CNTNAP2: variants seen among roughly 807,000 people sequenced by gnomAD.
The protein encoded by CNTNAP2 is contactin associated protein 2, also known as contactin-associated protein-like 2.
CNTNAP2 carries 98 observed loss-of-function variants against 155.2 expected under a neutral mutation model. That is an observed-to-expected ratio of 0.63 (90% confidence interval 0.54 to 0.75). The LOEUF is 0.75. Among genes scored for constraint, CNTNAP2 ranks in the 30% least tolerant of loss-of-function variants. The pLI is 0.00. For missense variants in CNTNAP2, 1,727 were observed against 1,688.1 expected, an observed-to-expected ratio of 1.02 and a Z score of -0.40; for synonymous variants, 651 against 631.2, an observed-to-expected ratio of 1.03 and a Z score of -0.47.
chr7:146,222,579 T>C, intron 1 of CNTNAP2, among the ~76,000 whole-genome samples: 1 of 149,568 alleles, frequency 6.7e-6, no homozygotes, highest in African/African-American at 2.5e-5. Context: ...TGTGTGTGCG[T>C]GCACATGTAT....
At chr7:147,596,866 C>G (rs1800835102) in intron 12 of CNTNAP2, among the ~76,000 whole-genome samples, 1 of 152,152 alleles carries the variant, frequency 6.6e-6, no homozygotes, top group Non-Finnish European at 1.5e-5. Flanking sequence ...CCACCAAAAC[C>G]AAGATGCAAT....
At chr7:148,052,653 A>G (rs1419887271) in intron 15 of CNTNAP2, among the ~76,000 whole-genome samples, 6 of 152,238 alleles carry the variant, frequency 3.9e-5, no homozygotes, top group Non-Finnish European at 8.8e-5. Flanking sequence ...ATAAAGTTAT[A>G]TATAATTGTG....
At chr7:147,890,727 C>T (rs77935737) in intron 13 of CNTNAP2, among the ~76,000 whole-genome samples, 3,183 of 152,264 alleles carry the variant, frequency 0.021, 114 homozygotes, top group African/African-American at 0.072. Context: ...CACATCATCT[C>T]ACTTATATAT....
At chr7:146,196,597 A>T (rs1425773138) in intron 1 of CNTNAP2, among the ~76,000 whole-genome samples, 2 of 150,114 alleles carry the variant, frequency 1.3e-5, no homozygotes, top group Admixed American at 6.6e-5. Flanking sequence ...GAGAGAGAGA[A>T]AGAGAAAGAG....
chr7:147,924,682 G>A (rs1046993252), intron 14 of CNTNAP2, among the ~76,000 whole-genome samples: 10 of 152,234 alleles, frequency 6.6e-5, no homozygotes, highest in South Asian at 2.1e-4. Flanking sequence ...AAAGTAAGCC[G>A]GGAAGATGGA....
At chr7:147,256,770 A>T (rs1224948894) in intron 8 of CNTNAP2, among the ~76,000 whole-genome samples, 2 of 152,134 alleles carry the variant, frequency 1.3e-5, no homozygotes, top group Non-Finnish European at 2.9e-5. Context: ...AGGACAGTTA[A>T]TGGACGCATT....
chr7:146,275,876 A>G (rs895133185), intron 1 of CNTNAP2, among the ~76,000 whole-genome samples: 1 of 152,164 alleles, frequency 6.6e-6, no homozygotes, highest in Admixed American at 6.5e-5. Context: ...CCTGGGAGCA[A>G]TTTTGCTTCC....
intron 12 of CNTNAP2, among the ~76,000 whole-genome samples, chr7:147,612,892 A>G (rs1192971400): frequency 1.3e-5 from 2 of 152,140 alleles, no homozygotes; most frequent in Admixed American, 1.3e-4. Flanking sequence ...TTTTATTTTC[A>G]AATATTTTAT....
In CNTNAP2 at chr7:148,269,704, G is replaced by A. The variant is rs377365607; in HGVS notation, c.3475+2578G>A. Among the ~76,000 whole-genome samples, 10 of 152,228 alleles carry A rather than the reference G, an allele frequency of 6.6e-5. No homozygotes were observed. The East Asian group carries it at 7.7e-4, about 12-fold the overall frequency. ...CATGGTGAAGCTCCAGAAGAGGGATGTATTTGAAAGTTGAGCGATGCCATC... is the reference window on the plus strand; with the variant it reads ...CATGGTGAAGCTCCAGAAGAGGGATATATTTGAAAGTTGAGCGATGCCATC... On this transcript the variant is annotated intron_variant, in intron 21 of 23. Coordinates refer to ENST00000361727, the MANE Select transcript of CNTNAP2 (RefSeq NM_014141.6).
At chr7:147,966,204 C>A (rs1801207113) in intron 14 of CNTNAP2, among the ~76,000 whole-genome samples, 1 of 152,126 alleles carries the variant, frequency 6.6e-6, no homozygotes, top group African/African-American at 2.4e-5. Context: ...AGCAATGCTT[C>A]TTGGTTTAAA....
intron 3 of CNTNAP2, among the ~76,000 whole-genome samples, chr7:147,020,918 ATAT>A (rs1022599217): frequency 2.0e-5 from 3 of 152,066 alleles, no homozygotes; most frequent in African/African-American, 7.2e-5. Flanking sequence ...GTTCTTAGAA[ATAT>A]TATTATTAAG....
intron 1 of CNTNAP2, among the ~76,000 whole-genome samples, chr7:146,761,332 AGG>A (rs1491416415): frequency 1.6e-3 from 242 of 147,170 alleles, no homozygotes; most frequent in African/African-American, 5.9e-3. Flanking sequence ...GAAGGAAGGA[AGG>A]AAAATAGGAA....
chr7:147,641,999 T>TGTGTGTGTGC (rs1795286464), intron 13 of CNTNAP2, among the ~76,000 whole-genome samples: 3 of 136,906 alleles, frequency 2.2e-5, no homozygotes, highest in African/African-American at 8.4e-5. Flanking sequence ...TTATCATAGG[T>TGTGTGTGTGC]GTGTGTGTGT....
intron 13 of CNTNAP2, among the ~76,000 whole-genome samples, chr7:147,775,377 T>TTA (rs1225829770): frequency 1.1e-4 from 8 of 72,044 alleles, no homozygotes; most frequent in Non-Finnish European, 1.7e-4. Context: ...ATATATATAT[T>TTA]TATATATATT....
At chr7:148,196,419 C>T (rs1238643521) in intron 18 of CNTNAP2, among the ~76,000 whole-genome samples, 1 of 152,124 alleles carries the variant, frequency 6.6e-6, no homozygotes, top group East Asian at 1.9e-4. Flanking sequence ...GGTCCAGGAA[C>T]TCGTCTGATC....
intron 11 of CNTNAP2, among the ~76,000 whole-genome samples, chr7:147,487,394 C>T (rs1448206591): frequency 6.6e-6 from 1 of 152,106 alleles, no homozygotes; most frequent in Non-Finnish European, 1.5e-5. Context: ...TTGTTCCTTA[C>T]CAATCACATC....
At chr7:146,241,462 G>A (rs926080345) in intron 1 of CNTNAP2, among the ~76,000 whole-genome samples, 4 of 152,100 alleles carry the variant, frequency 2.6e-5, no homozygotes, top group African/African-American at 9.7e-5. Flanking sequence ...TACAAGCATG[G>A]CTGTTTGCTC....
chr7:146,414,404 G>T (rs189926805), intron 1 of CNTNAP2, among the ~76,000 whole-genome samples: 1 of 151,726 alleles, frequency 6.6e-6, no homozygotes, highest in East Asian at 1.9e-4. Context: ...TGAGTATCCA[G>T]AGCTTGTAGC....
chr7:147,434,609 G>A (rs1416746407), intron 10 of CNTNAP2, among the ~76,000 whole-genome samples: 1 of 152,206 alleles, frequency 6.6e-6, no homozygotes, highest in South Asian at 2.1e-4. Context: ...GGATAGTCTT[G>A]TTCTGCATAT....
Sources: gnomAD v4.1 joint callset for allele counts (sites outside exome capture counted in the v4.1 genomes callset) on GRCh38, gnomAD v4.1.1 for gene constraint, MANE v1.5 for transcripts, NCBI Gene and HGNC (gene_info 2026-07-23, HGNC 2026-07-21) for gene names.